Variants in SLC35F3 observed in about 807,000 individuals in gnomAD.
SLC35F3 encodes the protein putative thiamine transporter SLC35F3.
In SLC35F3, 25 loss-of-function variants were observed where a neutral mutation model predicts 49.9. That is an observed-to-expected ratio of 0.50 (90% CI 0.37 to 0.70). The LOEUF (loss-of-function observed/expected upper bound fraction) is 0.70. Ranked by LOEUF, SLC35F3 falls within the 30% of genes least tolerant of loss-of-function variation. The pLI is 0.00. For synonymous variants in SLC35F3, 275 were observed against 265.4 expected (o/e 1.04, Z -0.35); for missense variants, 525 against 639.8 (o/e 0.82, Z 1.94).
At chr1:234,257,301 C>T (rs893277209) in intron 3 of SLC35F3, among the ~76,000 whole-genome samples, 1 of 152,168 alleles carries the variant, frequency 6.6e-6, no homozygotes, top group African/African-American at 2.4e-5. Context: ...CTCTTTTAAA[C>T]CCTCTTTGAA....
chr1:234,124,526 G>C (rs1302834016), intron 2 of SLC35F3, among the ~76,000 whole-genome samples: 2 of 152,084 alleles, frequency 1.3e-5, no homozygotes, highest in Non-Finnish European at 2.9e-5. Context: ...ACAGAGACAA[G>C]GAAAACAGAG....
In SLC35F3 at chr1:234,247,173, A is replaced by G. The variant is rs1437357413; in HGVS notation, c.608+15432A>G. Reference sequence around the variant, plus strand: ...GGGTGCTAGGTGCTTGAAACAAAAAAAGAAGAGAAACTCTGTGTGGCAGGG... The same window carrying G: ...GGGTGCTAGGTGCTTGAAACAAAAAGAGAAGAGAAACTCTGTGTGGCAGGG... On this transcript the variant is annotated intron_variant, in intron 3 of 7. Coordinates refer to ENST00000366618, the MANE Select transcript of SLC35F3 (RefSeq NM_173508.4). 3.3e-5 allele frequency among the ~76,000 whole-genome samples: 5 copies of G among 152,246 alleles called. No individual in the cohort carries two copies. In the East Asian group the frequency reaches 9.6e-4, roughly 29 times the overall value.
At chr1:234,002,250 G>A (rs756660681) in intron 2 of SLC35F3, among the ~76,000 whole-genome samples, 2 of 152,204 alleles carry the variant, frequency 1.3e-5, no homozygotes, top group Non-Finnish European at 2.9e-5. Flanking sequence ...TGAGGAACCA[G>A]TATAGATGCA....
At chr1:233,952,154 ACTT>A (rs1662617900) in intron 2 of SLC35F3, among the ~76,000 whole-genome samples, 1 of 148,356 alleles carries the variant, frequency 6.7e-6, no homozygotes, top group Non-Finnish European at 1.5e-5. Context: ...TTTTTCTTCT[ACTT>A]CTTTCATGAA....
intron 2 of SLC35F3, among the ~76,000 whole-genome samples, chr1:233,937,001 T>C (rs1319397653): frequency 6.6e-6 from 1 of 152,178 alleles, no homozygotes; most frequent in Non-Finnish European, 1.5e-5. Context: ...ACCTCTGTCT[T>C]CTTACAGGCT....
intron 3 of SLC35F3, among the ~76,000 whole-genome samples, chr1:234,268,277 A>G (rs1426478868): frequency 6.6e-6 from 1 of 151,372 alleles, no homozygotes. Flanking sequence ...ACACAGCGAA[A>G]CCCCGTCTCC....
At chr1:233,980,405 T>C (rs984964584) in intron 2 of SLC35F3, among the ~76,000 whole-genome samples, 1 of 152,182 alleles carries the variant, frequency 6.6e-6, no homozygotes, top group African/African-American at 2.4e-5. Context: ...ACCTGGGACT[T>C]GGCCTTGGTC....
intron 2 of SLC35F3, among the ~76,000 whole-genome samples, chr1:234,041,764 G>A (rs893607280): frequency 3.3e-5 from 5 of 152,130 alleles, no homozygotes; most frequent in Non-Finnish European, 5.9e-5. Flanking sequence ...TTTTACGGAG[G>A]CACAGTTTCC....
At chr1:234,226,961 G>GCACGCACACA (rs1553316746) in intron 2 of SLC35F3, among the ~76,000 whole-genome samples, 23 of 148,638 alleles carry the variant, frequency 1.5e-4, no homozygotes, top group Non-Finnish European at 3.1e-4. Context: ...GCGCACGCGT[G>GCACGCACACA]CACACACACA....
At chr1:233,966,459 G>A (rs1426877395) in intron 2 of SLC35F3, among the ~76,000 whole-genome samples, 15 of 152,034 alleles carry the variant, frequency 9.9e-5, no homozygotes, top group Non-Finnish European at 1.8e-4. Context: ...ACCCCAGTCA[G>A]ACCCAACCTG....
intron 3 of SLC35F3, chr1:234,285,062 G>A: frequency 4.6e-6 from 1 of 216,232 alleles, no homozygotes; most frequent in Non-Finnish European, 9.1e-6. Context: ...TAGGGCCACA[G>A]GGGAACCCTG....
intron 2 of SLC35F3, among the ~76,000 whole-genome samples, chr1:233,943,658 T>C (rs1056967892): frequency 6.6e-6 from 1 of 152,204 alleles, no homozygotes; most frequent in Non-Finnish European, 1.5e-5. Context: ...AAATATGGAA[T>C]AAATCCATAT....
At chr1:234,148,568 T>C (rs77707887) in intron 2 of SLC35F3, among the ~76,000 whole-genome samples, 3,643 of 152,172 alleles carry the variant, frequency 0.024, 154 homozygotes, top group African/African-American at 0.082. Flanking sequence ...CTGGGCTCTG[T>C]AGGATGGGAG....
At chr1:233,971,947 A>G (rs1030424478) in intron 2 of SLC35F3, among the ~76,000 whole-genome samples, 2 of 152,246 alleles carry the variant, frequency 1.3e-5, no homozygotes, top group African/African-American at 4.8e-5. Context: ...CTCAGCCTAC[A>G]GCGTGCTGGC....
intron 2 of SLC35F3, among the ~76,000 whole-genome samples, chr1:234,048,966 ACTTGT>A (rs144414553): frequency 0.011 from 1,658 of 152,228 alleles, 34 homozygotes; most frequent in African/African-American, 0.038. Flanking sequence ...ACACACATAA[ACTTGT>A]CTTGTTTGAC....
chr1:234,229,574 T>C (rs1269320733), intron 2 of SLC35F3, among the ~76,000 whole-genome samples: 1 of 152,240 alleles, frequency 6.6e-6, no homozygotes, highest in Non-Finnish European at 1.5e-5. Flanking sequence ...TGAGCTGAAT[T>C]TATTCAGCCT....
chr1:234,055,321 G>A (rs1042151429), intron 2 of SLC35F3, among the ~76,000 whole-genome samples: 4 of 152,066 alleles, frequency 2.6e-5, no homozygotes, highest in African/African-American at 7.2e-5. Context: ...CGAGCTTCCC[G>A]GCCTCTTTGT....
At chr1:234,202,734 C>T (rs551995721) in intron 2 of SLC35F3, among the ~76,000 whole-genome samples, 2 of 152,324 alleles carry the variant, frequency 1.3e-5, no homozygotes, top group South Asian at 4.1e-4. Context: ...GCCTGTGCAC[C>T]TGTCTAAGAC....
chr1:233,982,648 A>T (rs572610396), intron 2 of SLC35F3, among the ~76,000 whole-genome samples: 5 of 152,130 alleles, frequency 3.3e-5, no homozygotes, highest in South Asian at 2.1e-4. Context: ...TGCTGGGGAG[A>T]GTTCTTTATA....
Sources: gnomAD v4.1 joint callset for allele counts (sites outside exome capture counted in the v4.1 genomes callset) on GRCh38, gnomAD v4.1.1 for gene constraint, MANE v1.5 for transcripts, NCBI Gene and HGNC (gene_info 2026-07-23, HGNC 2026-07-21) for gene names.